The following NLGN1 variants were observed in gnomAD, a reference collection of about 807,000 sequenced individuals.
NLGN1 encodes neuroligin-1.
In NLGN1, 12 loss-of-function variants were observed where a neutral mutation model predicts 65.5. The ratio of observed to expected loss-of-function variants is 0.18; its 90% CI spans 0.12 to 0.30. NLGN1 has a LOEUF of 0.30. Among genes scored for constraint, NLGN1 ranks in the 10% least tolerant of loss-of-function variants. NLGN1 has a pLI of 1.00. For missense variants in NLGN1, 750 were observed against 1,007.1 expected (o/e 0.74, Z 3.46); for synonymous variants, 350 against 359.5 (o/e 0.97, Z 0.30).
chr3:174,068,009 G>C (rs1739015450), intron 4 of NLGN1, among the ~76,000 whole-genome samples: 1 of 152,160 alleles, frequency 6.6e-6, no homozygotes, highest in South Asian at 2.1e-4. Context: ...TGAGGCTGGA[G>C]TGTTTGTTTC....
chr3:173,634,019 A>G (rs575392094), intron 3 of NLGN1, among the ~76,000 whole-genome samples: 1 of 152,272 alleles, frequency 6.6e-6, no homozygotes, highest in South Asian at 2.1e-4. Flanking sequence ...GTAATTCTCT[A>G]CTAGAATAAA....
At chr3:173,662,538 G>T (rs1190755500) in intron 3 of NLGN1, among the ~76,000 whole-genome samples, 1 of 151,978 alleles carries the variant, frequency 6.6e-6, no homozygotes, top group Non-Finnish European at 1.5e-5. Flanking sequence ...AAGTATCTGT[G>T]TATTTCAAGA....
rs749941743 is a variant in NLGN1, at chr3:174,163,321, C to T, written c.647-111994C>T. On this transcript the variant is annotated intron_variant, in intron 4 of 6. Coordinates refer to ENST00000457714, the Ensembl canonical transcript of NLGN1. ...TTCTCTCATTGAACTTTTGTTGTTT[C>T]TTTAACATACAAAGTAAATTTCCAT... Among the ~76,000 whole-genome samples, 44 of 151,946 alleles carry T rather than the reference C, an allele frequency of 2.9e-4. 2 individuals are homozygous for T. Among genetic ancestry groups the T allele is most frequent in the Admixed American group, 2.0e-4 (3 of 15,210 alleles).
At chr3:173,982,990 C>T (rs1326810435) in intron 4 of NLGN1, among the ~76,000 whole-genome samples, 1 of 152,122 alleles carries the variant, frequency 6.6e-6, no homozygotes, top group Non-Finnish European at 1.5e-5. Context: ...TAGAGTTCCA[C>T]ATTTTTTCTC....
rs1015804192 is a variant in NLGN1, at chr3:173,634,302, A to C, written c.493+29211A>C. Among the ~76,000 whole-genome samples, 3 of 152,280 alleles carry C rather than the reference A, an allele frequency of 2.0e-5. No individual in the cohort carries two copies. The East Asian group carries it at 5.8e-4, about 29-fold the overall frequency. On this transcript the variant is annotated intron_variant, in intron 3 of 6. Coordinates refer to ENST00000457714, the Ensembl canonical transcript of NLGN1. Reference sequence around the variant, plus strand: ...GAAAATTATTTAAAATGAGTATTACATCCCCTATAAAAGAAATAAGTAAAT... The same window carrying C: ...GAAAATTATTTAAAATGAGTATTACCTCCCCTATAAAAGAAATAAGTAAAT...
chr3:173,453,180 G>T (rs554571984), intron 2 of NLGN1, among the ~76,000 whole-genome samples: 1 of 151,486 alleles, frequency 6.6e-6, no homozygotes, highest in East Asian at 1.9e-4. Context: ...GCTCACTGCA[G>T]TCTCCACTTG....
chr3:173,543,434 A>G (rs1032852768), intron 2 of NLGN1, among the ~76,000 whole-genome samples: 2 of 152,140 alleles, frequency 1.3e-5, no homozygotes, highest in African/African-American at 4.8e-5. Flanking sequence ...TTAAAGCAGT[A>G]CATAAACTCC....
intron 2 of NLGN1, among the ~76,000 whole-genome samples, chr3:173,496,988 G>A (rs1472606227): frequency 6.6e-6 from 1 of 151,796 alleles, no homozygotes; most frequent in African/African-American, 2.4e-5. Context: ...AGAAAGTTTT[G>A]CAGTGGTGTG....
chr3:173,962,784 G>T (rs1713903394), intron 4 of NLGN1, among the ~76,000 whole-genome samples: 1 of 151,960 alleles, frequency 6.6e-6, no homozygotes, highest in Non-Finnish European at 1.5e-5. Context: ...ATAGCCTAAG[G>T]GTGCTTTCTA....
exon 3 of NLGN1, chr3:173,604,972 G>T (rs1367569483): frequency 1.9e-6 from 3 of 1,613,568 alleles, no homozygotes; most frequent in Admixed American, 1.7e-5. Flanking sequence ...ATTGATGGCA[G>T]ATTGCCAGAA....
chr3:173,753,554 T>C (rs1027909852), intron 3 of NLGN1, among the ~76,000 whole-genome samples: 1 of 152,160 alleles, frequency 6.6e-6, no homozygotes, highest in Non-Finnish European at 1.5e-5. Context: ...ACCACTGTTA[T>C]GTCTCGCCTG....
At chr3:173,908,797 A>G (rs997038246) in intron 4 of NLGN1, among the ~76,000 whole-genome samples, 2 of 152,340 alleles carry the variant, frequency 1.3e-5, no homozygotes, top group East Asian at 1.9e-4. Flanking sequence ...GCTTGTTGAG[A>G]TGATGGCATT....
At chr3:174,231,195 A>T in intron 4 of NLGN1, among the ~76,000 whole-genome samples, 1 of 152,228 alleles carries the variant, frequency 6.6e-6, no homozygotes, top group South Asian at 2.1e-4. Flanking sequence ...ATAAGAGAAA[A>T]ACTTCAGCCG....
In NLGN1 at chr3:174,088,379, TTA is replaced by T. The variant is rs537610146; in HGVS notation, c.647-186934_647-186933del. Among the ~76,000 whole-genome samples, 299 of 152,268 alleles carry T rather than the reference TTA, an allele frequency of 2.0e-3. 1 individual carries two copies. The highest frequency in any genetic ancestry group is 3.6e-3 in the Non-Finnish European group (245 of 68,024). On this transcript the variant is annotated intron_variant, in intron 4 of 6. Transcript: ENST00000457714. ...GTTACAAGTTCCCATTTTACTGCCT[TTA>T]TTGCCGCAATTGAGGGCGTTGTTTA...
intron 3 of NLGN1, among the ~76,000 whole-genome samples, chr3:173,689,961 A>G (rs1765224366): frequency 6.6e-6 from 1 of 152,212 alleles, no homozygotes; most frequent in Admixed American, 6.5e-5. Flanking sequence ...AGTGTTATGA[A>G]AAAAGTAAAC....
chr3:174,181,819 A>G (rs1730478386), intron 4 of NLGN1, among the ~76,000 whole-genome samples: 2 of 151,354 alleles, frequency 1.3e-5, no homozygotes, highest in South Asian at 4.2e-4. Flanking sequence ...ATGTATGTAC[A>G]CACAAAACTT....
intron 4 of NLGN1, among the ~76,000 whole-genome samples, chr3:173,963,077 A>AT (rs1713986191): frequency 6.6e-6 from 1 of 152,266 alleles, no homozygotes; most frequent in South Asian, 2.1e-4. Flanking sequence ...GCTACCATTT[A>AT]TTACACTCTT....
chr3:174,097,043 A>T (rs971430508), intron 4 of NLGN1, among the ~76,000 whole-genome samples: 1 of 152,148 alleles, frequency 6.6e-6, no homozygotes, highest in East Asian at 1.9e-4. Context: ...GAATATTTAA[A>T]AGGCTTCCAT....
chr3:173,673,591 A>T (rs1762735250), intron 3 of NLGN1, among the ~76,000 whole-genome samples: 1 of 152,186 alleles, frequency 6.6e-6, no homozygotes, highest in African/African-American at 2.4e-5. Flanking sequence ...TTCCTAAAAT[A>T]ATGCTGTGAG....
Sources: gnomAD v4.1 joint callset for allele counts (sites outside exome capture counted in the v4.1 genomes callset) on GRCh38, gnomAD v4.1.1 for gene constraint, MANE v1.5 for transcripts, NCBI Gene and HGNC (gene_info 2026-07-23, HGNC 2026-07-21) for gene names.